The following PPP3CA variants were observed in gnomAD, a reference collection of about 807,000 sequenced individuals.
PPP3CA encodes the protein CAM-PRP catalytic subunit.
In PPP3CA, 14 loss-of-function variants were observed where a neutral mutation model predicts 66.5. The ratio of observed to expected loss-of-function variants is 0.21; its 90% CI spans 0.14 to 0.33. PPP3CA has a LOEUF of 0.33. Ranked by LOEUF, PPP3CA falls within the 10% of genes least tolerant of loss-of-function variation. The pLI is 1.00. For missense variants in PPP3CA, 317 were observed against 639.5 expected, an observed-to-expected ratio of 0.50 and a Z score of 5.44; for synonymous variants, 232 against 226.2, an observed-to-expected ratio of 1.03 and a Z score of -0.23.
intron 1 of PPP3CA, among the ~76,000 whole-genome samples, chr4:101,227,661 G>A (rs36111918): frequency 0.012 from 1,826 of 151,450 alleles, 15 homozygotes; most frequent in Non-Finnish European, 0.016. Context: ...AGATTATGTC[G>A]TCATCCAGGT....
intron 1 of PPP3CA, among the ~76,000 whole-genome samples, chr4:101,236,039 AAAAAG>A (rs1726118132): frequency 6.6e-6 from 1 of 151,906 alleles, no homozygotes; most frequent in South Asian, 2.1e-4. Flanking sequence ...TCTGAAAAAA[AAAAAG>A]AAAAGGAATA....
chr4:101,042,470 C>T (rs1255888891), intron 10 of PPP3CA, among the ~76,000 whole-genome samples: 1 of 152,136 alleles, frequency 6.6e-6, no homozygotes, highest in Non-Finnish European at 1.5e-5. Flanking sequence ...AGCTATTCTA[C>T]CTGCAAATGG....
intron 2 of PPP3CA, among the ~76,000 whole-genome samples, chr4:101,160,513 C>T (rs141789406): frequency 6.6e-6 from 1 of 152,064 alleles, no homozygotes; most frequent in Non-Finnish European, 1.5e-5. Context: ...ACAGAGTGTG[C>T]TCTATGGGAT....
At chr4:101,208,620 C>G (rs1216173070) in intron 1 of PPP3CA, among the ~76,000 whole-genome samples, 4 of 152,286 alleles carry the variant, frequency 2.6e-5, no homozygotes, top group Non-Finnish European at 4.4e-5. Flanking sequence ...AGACAATACT[C>G]TCTGTTACAA....
Position 101,155,115 on chromosome 4 carries a change from A to G in PPP3CA, c.259+40801T>C, listed in dbSNP as rs537047973. ...CGGGCGTGAGCCAACGCGCCCAGCC[A>G]TATAAAAAATATTTTAAGATTTCAC... On this transcript the variant is annotated intron_variant, in intron 2 of 13. Coordinates refer to ENST00000394854, the MANE Select transcript of PPP3CA (RefSeq NM_000944.5). Among the ~76,000 whole-genome samples, 3 of 152,106 alleles carry G rather than the reference A, an allele frequency of 2.0e-5. No homozygotes were observed. In the East Asian group the frequency reaches 5.8e-4, roughly 29 times the overall value.
intron 10 of PPP3CA, among the ~76,000 whole-genome samples, chr4:101,057,727 C>T (rs914400335): frequency 1.3e-5 from 2 of 152,140 alleles, no homozygotes; most frequent in African/African-American, 4.8e-5. Context: ...AAAGCACCAG[C>T]TTCTTCTCAA....
intron 6 of PPP3CA, among the ~76,000 whole-genome samples, chr4:101,086,100 A>G (rs1729662319): frequency 6.6e-6 from 1 of 152,164 alleles, no homozygotes; most frequent in South Asian, 2.1e-4. Flanking sequence ...TATAAAAAAT[A>G]TTTTTAAAAA....
At chr4:101,095,259 A>G (rs952188783) in intron 5 of PPP3CA, among the ~76,000 whole-genome samples, 4 of 152,170 alleles carry the variant, frequency 2.6e-5, no homozygotes, top group Non-Finnish European at 4.4e-5. Flanking sequence ...CTGAAAAACA[A>G]TAACTTATTA....
intron 3 of PPP3CA, among the ~76,000 whole-genome samples, chr4:101,103,199 G>C (rs947304779): frequency 5.3e-5 from 8 of 152,120 alleles, no homozygotes; most frequent in Admixed American, 4.6e-4. Flanking sequence ...GAGAAGTAAA[G>C]AAGGATGTAA....
chr4:101,336,632 A>T (rs1729643318), intron 1 of PPP3CA, among the ~76,000 whole-genome samples: 1 of 152,014 alleles, frequency 6.6e-6, no homozygotes, highest in Admixed American at 6.6e-5. Flanking sequence ...AGCTCTCTGG[A>T]GGCAAACAGG....
intron 11 of PPP3CA, among the ~76,000 whole-genome samples, chr4:101,035,318 C>CA (rs75921822): frequency 0.077 from 11,623 of 151,526 alleles, 857 homozygotes; most frequent in African/African-American, 0.18. Flanking sequence ...TGGGACTCAT[C>CA]AAAAAAAACA....
chr4:101,173,784 A>G (rs942952477), intron 2 of PPP3CA, among the ~76,000 whole-genome samples: 1 of 152,146 alleles, frequency 6.6e-6, no homozygotes, highest in African/African-American at 2.4e-5. Context: ...AGCATGGTGG[A>G]TCATGCTTGT....
intron 5 of PPP3CA, among the ~76,000 whole-genome samples, chr4:101,094,250 C>T (rs141643537): frequency 6.6e-6 from 1 of 151,474 alleles, no homozygotes; most frequent in Non-Finnish European, 1.5e-5. Context: ...TCCTTACTTA[C>T]TTTATCTATC....
chr4:101,042,361 A>C (rs990825985), intron 10 of PPP3CA, among the ~76,000 whole-genome samples: 1 of 152,062 alleles, frequency 6.6e-6, no homozygotes, highest in Admixed American at 6.5e-5. Context: ...CTCTGCCCTG[A>C]AAACAGCCTA....
intron 1 of PPP3CA, among the ~76,000 whole-genome samples, chr4:101,271,564 G>A (rs1406487610): frequency 3.3e-5 from 5 of 152,156 alleles, no homozygotes; most frequent in Non-Finnish European, 7.4e-5. Flanking sequence ...TAATTAAGGA[G>A]AAAATCTTTT....
At chr4:101,264,194 CT>C (rs567898147) in intron 1 of PPP3CA, among the ~76,000 whole-genome samples, 3 of 152,246 alleles carry the variant, frequency 2.0e-5, no homozygotes, top group African/African-American at 7.2e-5. Context: ...ATTTTCATAT[CT>C]TTTTCCCCCA....
At chr4:101,293,978 C>T (rs925611934) in intron 1 of PPP3CA, among the ~76,000 whole-genome samples, 8 of 152,026 alleles carry the variant, frequency 5.3e-5, no homozygotes, top group Non-Finnish European at 8.8e-5. Context: ...AATGAATGTA[C>T]CGAGATAGGA....
At chr4:101,047,366 T>A (rs1477909547) in intron 10 of PPP3CA, among the ~76,000 whole-genome samples, 1 of 152,132 alleles carries the variant, frequency 6.6e-6, no homozygotes, top group Non-Finnish European at 1.5e-5. Context: ...AGAATACTAT[T>A]CCCATTCCAT....
chr4:101,124,699 AAG>A (rs1295403735), intron 2 of PPP3CA, among the ~76,000 whole-genome samples: 56 of 102,062 alleles, frequency 5.5e-4, no homozygotes, highest in African/African-American at 2.2e-3. Context: ...GAAAGAAAGA[AAG>A]AAAGAAAGAA....
Sources: gnomAD v4.1 joint callset for allele counts (sites outside exome capture counted in the v4.1 genomes callset) on GRCh38, gnomAD v4.1.1 for gene constraint, MANE v1.5 for transcripts, NCBI Gene and HGNC (gene_info 2026-07-23, HGNC 2026-07-21) for gene names.